Variants in DNAJC25 observed in about 807,000 individuals in gnomAD.
DNAJC25 encodes dnaJ homolog subfamily C member 25.
In DNAJC25, 26 loss-of-function variants were observed where a neutral mutation model predicts 42.1. The observed-to-expected ratio is 0.62, with a 90% CI of 0.45 to 0.86. The LOEUF is 0.86. DNAJC25 is among the 40% of genes least tolerant of loss of function. DNAJC25 has a pLI of 0.00. For synonymous variants in DNAJC25, 189 were observed against 179.9 expected (o/e 1.05, Z -0.40); for missense variants, 404 against 459.4 (o/e 0.88, Z 1.10).
At chr9:111,650,875 A>G (rs141431330) in intron 3 of DNAJC25, among the ~76,000 whole-genome samples, 1 of 152,220 alleles carries the variant, frequency 6.6e-6, no homozygotes, top group Admixed American at 6.5e-5. Flanking sequence ...TGTCCTAAAT[A>G]GATTTCACTG....
At chr9:111,637,212 G>A (rs1265838197) in intron 1 of DNAJC25, among the ~76,000 whole-genome samples, 1 of 152,168 alleles carries the variant, frequency 6.6e-6, no homozygotes, top group Non-Finnish European at 1.5e-5. Context: ...TTGGGAGCCT[G>A]CGAGGTGCCG....
chr9:111,638,608 T>C (rs1379829906), intron 1 of DNAJC25, among the ~76,000 whole-genome samples: 1 of 152,124 alleles, frequency 6.6e-6, no homozygotes. Context: ...TCTTAGTGAG[T>C]AACATTGTCT....
intron 2 of DNAJC25, 75 bp downstream of exon 2, chr9:111,647,334 C>A: frequency 6.7e-7 from 1 of 1,502,714 alleles, no homozygotes; most frequent in Non-Finnish European, 9.0e-7. Flanking sequence ...TCATTAAAAC[C>A]TAACTGCGAG....
intron 2 of DNAJC25, among the ~76,000 whole-genome samples, chr9:111,648,569 C>T (rs1319645574): frequency 5.9e-5 from 9 of 152,062 alleles, no homozygotes; most frequent in Middle Eastern, 3.2e-3. Context: ...TGCACTTGGC[C>T]GACATTCAAT....
At position 111,642,568 on chromosome 9, in the gene DNAJC25, C is replaced by T. The variant is rs1830493693; in HGVS notation, c.337-4539C>T. On this transcript the variant is annotated intron_variant, in intron 1 of 3. Coordinates refer to ENST00000313525, the MANE Select transcript of DNAJC25 (RefSeq NM_001015882.3). ...CTCCACTATTGTCCCATGACCCTGC[C>T]AAATCCCCCTCTGTGAGAAACACCC... Among the ~76,000 whole-genome samples the T allele has an allele frequency of 2.1e-5, 3 of 145,844 alleles. No individual in the cohort carries two copies. In the South Asian group the frequency reaches 6.6e-4, roughly 32 times the overall value.
intron 1 of DNAJC25, among the ~76,000 whole-genome samples, chr9:111,636,204 A>T (rs928201210): frequency 6.6e-6 from 1 of 152,230 alleles, no homozygotes; most frequent in Admixed American, 6.5e-5. Flanking sequence ...ACCAAGGTTG[A>T]TGGTGAAAGG....
intron 1 of DNAJC25, among the ~76,000 whole-genome samples, chr9:111,636,259 C>T (rs977233610): frequency 1.3e-5 from 2 of 152,130 alleles, no homozygotes; most frequent in Non-Finnish European, 2.9e-5. Context: ...AACATAGAGT[C>T]ATGAGTGTGC....
Position 111,631,353 on chromosome 9 carries a change from C to T in DNAJC25, c.-55C>T, listed in dbSNP as rs907772775. On this transcript the variant is annotated 5_prime_UTR_variant, in exon 1 of 4. Transcript: ENST00000313525. Reference sequence around the variant, plus strand: ...GGGGCCAGACGGGACTAGCCGGGCGCGCGGCTGAGTGCTGCAGAATCGCTG... The same window carrying T: ...GGGGCCAGACGGGACTAGCCGGGCGTGCGGCTGAGTGCTGCAGAATCGCTG... 9 of 1,253,182 alleles carry T rather than the reference C, an allele frequency of 7.2e-6. No homozygotes were observed. Among genetic ancestry groups the T allele is most frequent in the Non-Finnish European group, 8.0e-6 (8 of 1,002,276 alleles). The allele number at this position is 1,253,182 out of a possible 1,614,324, so 77.6% of individuals were successfully genotyped here.
chr9:111,647,978 C>T (rs1426668741), intron 2 of DNAJC25, among the ~76,000 whole-genome samples: 2 of 152,100 alleles, frequency 1.3e-5, no homozygotes, highest in African/African-American at 4.8e-5. Flanking sequence ...GGGGTTTCAC[C>T]ATGTTGGCCA....
intron 1 of DNAJC25, among the ~76,000 whole-genome samples, chr9:111,640,794 G>A (rs1830442747): frequency 7.9e-6 from 1 of 126,258 alleles, no homozygotes; most frequent in Non-Finnish European, 1.6e-5. Context: ...GGGAAGTGAG[G>A]AGCGTCTCCG....
chr9:111,640,918 C>T lies in DNAJC25; in HGVS notation c.337-6189C>T, dbSNP rs531649190. ...AGCCCCCCCGCCCGGCCAGCCGTGC[C>T]GTCCGGCCAGCCGTGCCGTCCGGGA... On this transcript the variant is annotated intron_variant, in intron 1 of 3. Coordinates refer to ENST00000313525, the MANE Select transcript of DNAJC25 (RefSeq NM_001015882.3). 3.4e-3 allele frequency among the ~76,000 whole-genome samples: 327 copies of T among 95,506 alleles called. 55 individuals are homozygous for T. Among genetic ancestry groups the T allele is most frequent in the Admixed American group, 0.011 (108 of 9,684 alleles). 62.7% of individuals were successfully genotyped at this position (95,506 alleles called of 152,430 possible).
At chr9:111,648,358 C>T (rs1242598846) in intron 2 of DNAJC25, among the ~76,000 whole-genome samples, 1 of 151,008 alleles carries the variant, frequency 6.6e-6, no homozygotes, top group Non-Finnish European at 1.5e-5. Context: ...ACTTCTTGGG[C>T]TCAGGCGATC....
At chr9:111,642,617 AT>A (rs1830496613) in intron 1 of DNAJC25, among the ~76,000 whole-genome samples, 7 of 113,958 alleles carry the variant, frequency 6.1e-5, no homozygotes, top group African/African-American at 1.9e-4. Context: ...AAATAAATAA[AT>A]AAATAAATAA....
intron 3 of DNAJC25, among the ~76,000 whole-genome samples, chr9:111,650,515 C>T (rs1041217887): frequency 3.3e-5 from 5 of 152,196 alleles, no homozygotes; most frequent in African/African-American, 1.2e-4. Flanking sequence ...ACAAAAATTA[C>T]TTCGAGGTGA....
intron 2 of DNAJC25, among the ~76,000 whole-genome samples, chr9:111,649,117 A>G (rs973613495): frequency 6.6e-6 from 1 of 152,128 alleles, no homozygotes; most frequent in Non-Finnish European, 1.5e-5. Flanking sequence ...AAGAAAAAAA[A>G]TTTTTTAAAG....
rs1164660873 is a variant in DNAJC25, at chr9:111,653,207, A to G, written c.1068A>G (p.Thr356=). The change falls in exon 4 of 4, where the codon ACA becomes ACG. Residue 356 remains threonine (T), a synonymous_variant. Transcript: ENST00000313525. The part of the protein sequence containing the change: ...WMKNEGPGRL[T]FVDD ...AGAATGAAGGGCCTGGGCGGTTAAC[A>G]TTTGTGGATGACTGAAGATTGATGG... 2 of 1,581,684 alleles carry G rather than the reference A, an allele frequency of 1.3e-6. No individual in the cohort carries two copies. The highest frequency in any genetic ancestry group is 8.6e-7 in the Non-Finnish European group (1 of 1,162,860).
At chr9:111,647,924 G>A (rs1239326606) in intron 2 of DNAJC25, among the ~76,000 whole-genome samples, 8 of 151,714 alleles carry the variant, frequency 5.3e-5, no homozygotes, top group Non-Finnish European at 1.0e-4. Context: ...GACTACAGGC[G>A]CGCACCACCA....
intron 1 of DNAJC25, among the ~76,000 whole-genome samples, chr9:111,644,678 A>T (rs1830539461): frequency 6.6e-6 from 1 of 152,216 alleles, no homozygotes. Flanking sequence ...AGCTACATGT[A>T]ATCTAGTTGT....
chr9:111,647,940 G>C (rs1189790993), intron 2 of DNAJC25, among the ~76,000 whole-genome samples: 1 of 152,024 alleles, frequency 6.6e-6, no homozygotes, highest in Non-Finnish European at 1.5e-5. Flanking sequence ...CACCACACCC[G>C]GCTAGTGTTT....
Sources: allele counts gnomAD v4.1 joint callset (sites outside exome capture counted in the v4.1 genomes callset), GRCh38; gene constraint gnomAD v4.1.1; transcripts MANE v1.5; gene names NCBI Gene and HGNC (gene_info 2026-07-23, HGNC 2026-07-21).